Variants in ZNF638 observed in about 807,000 individuals in gnomAD.
ZNF638 encodes zinc finger protein 638.
ZNF638 carries 46 observed loss-of-function variants against 195.6 expected under a neutral mutation model. The observed-to-expected ratio is 0.24, with a 90% confidence interval of 0.19 to 0.30. The LOEUF (loss-of-function observed/expected upper bound fraction) is 0.30. ZNF638 is among the 10% of genes least tolerant of loss of function. The pLI, the probability that ZNF638 is intolerant of heterozygous loss-of-function variation, is 1.00. For synonymous variants in ZNF638, 845 were observed against 772.0 expected (o/e 1.09, Z -1.57); for missense variants, 2,440 against 2,325.3 (o/e 1.05, Z -1.01).
intron 10 of ZNF638, among the ~76,000 whole-genome samples, chr2:71,386,936 C>T (rs533351354): frequency 1.3e-5 from 2 of 152,036 alleles, no homozygotes; most frequent in Admixed American, 6.5e-5. Flanking sequence ...CAGTCTCCAC[C>T]TCCCAGGTTC....
At position 71,364,071 on chromosome 2, in the gene ZNF638, G is replaced by A. The variant is rs761569473; in HGVS notation, c.1536G>A (p.Met512Ile). Residue 512 changes from methionine (M) to isoleucine (I), a missense_variant, in exon 5 of 28, where the codon ATG becomes ATA. Coordinates refer to ENST00000264447, the MANE Select transcript of ZNF638 (RefSeq NM_014497.5). ...SHRFRRSRSPMHYMYRPRSRS... is the reference protein window; with the variant it reads ...SHRFRRSRSPIHYMYRPRSRS... ...GATTCCGTCGGTCTCGAAGCCCAAT[G>A]CATTACATGTATAGGCCGAGAAGTC... 2.5e-6 allele frequency: 4 copies of A among 1,614,052 alleles called. No individual in the cohort carries two copies. The South Asian group carries it at 3.3e-5, about 13-fold the overall frequency.
chr2:71,395,578 C>T lies in ZNF638; in HGVS notation c.2378-563C>T, dbSNP rs569500573. ...TTGCAGACCTTTGATCATCCTATTG[C>T]GCGCAGGACTGCTCCCAAGGCGGTG... On this transcript the variant is annotated intron_variant, in intron 10 of 27. Transcript: ENST00000264447. 9.1e-4 allele frequency: 532 copies of T among 584,634 alleles called. 5 individuals carry two copies. The highest frequency in any genetic ancestry group is 8.6e-3 in the African/African-American group (458 of 53,452). 36.2% of individuals were successfully genotyped at this position (584,634 alleles called of 1,614,324 possible).
At chr2:71,360,487 C>G (rs1489565021) in intron 3 of ZNF638, among the ~76,000 whole-genome samples, 2 of 152,136 alleles carry the variant, frequency 1.3e-5, no homozygotes. Flanking sequence ...CCCATCCATA[C>G]CCTCAATCCA....
chr2:71,350,249 A>T lies in ZNF638; in HGVS notation c.1295A>T (p.Asn432Ile). ...TTTCCACATTTGTGTTCTCTGTGTAACGTAGAATGTAGTCATTTGAAGGTG... is the reference window on the plus strand; with the variant it reads ...TTTCCACATTTGTGTTCTCTGTGTATCGTAGAATGTAGTCATTTGAAGGTG... ...RIFPHLCSLC[N>I]VECSHLKDWI... Residue 432 changes from asparagine to isoleucine, a missense_variant, in exon 2 of 28, where the codon AAC becomes ATC. By Grantham distance (149) the Asn-to-Ile change is moderately radical. Around this residue, in one of 5 missense-constraint regions of ZNF638, gnomAD observed 37 missense variants for 75.7 expected, o/e 0.49. Transcript: ENST00000264447. 1 of 1,601,632 alleles carries T rather than the reference A, an allele frequency of 6.2e-7. No individual in the cohort carries two copies. Among genetic ancestry groups the T allele is most frequent in the Non-Finnish European group, 8.5e-7 (1 of 1,179,740 alleles).
chr2:71,383,291 G>T (rs1478068231), intron 10 of ZNF638, among the ~76,000 whole-genome samples: 2 of 152,084 alleles, frequency 1.3e-5, no homozygotes, highest in Non-Finnish European at 2.9e-5. Flanking sequence ...CTCCAGCCTG[G>T]GTGACAAGAG....
chr2:71,405,658 A>C lies in ZNF638; in HGVS notation c.3000+16A>C. 1 of 1,532,046 alleles carries C rather than the reference A, an allele frequency of 6.5e-7. No individual in the cohort carries two copies. The highest frequency in any genetic ancestry group is 8.9e-7 in the Non-Finnish European group (1 of 1,125,406). The allele number at this position is 1,532,046 out of a possible 1,614,324, so 94.9% of individuals were successfully genotyped here. A position where few individuals can be genotyped will look rare whatever the true frequency, so the allele number is the denominator to read the frequency against. On this transcript the variant is annotated intron_variant, in intron 18 of 27. Coordinates refer to ENST00000264447, the MANE Select transcript of ZNF638 (RefSeq NM_014497.5). ...TGACCCAGAGGTAAGTTTTGCATTT[A>C]AATGCTTTTGTATACTTATTTAATT...
At chr2:71,418,741 T>C (rs1447444995) in intron 21 of ZNF638, 102 bp downstream of exon 21, 13 of 802,626 alleles carry the variant, frequency 1.6e-5, no homozygotes, top group Admixed American at 1.2e-4. Flanking sequence ...AAAAGTTCTT[T>C]TCTGCATATT....
At position 71,400,131 on chromosome 2, in the gene ZNF638, C is replaced by G; in HGVS notation, c.2607C>G (p.Thr869=). The part of the protein sequence containing the change: ...VTIPENSEIK[T]SIEVKATENC... Reference sequence around the variant, plus strand: ...ATGCAGAAAACTCTGAAATAAAGACCAGTATTGAAGTCAAAGCCACTGAAA... The same window carrying G: ...ATGCAGAAAACTCTGAAATAAAGACGAGTATTGAAGTCAAAGCCACTGAAA... The change falls in exon 14 of 28, where the codon ACC becomes ACG. Residue 869 remains threonine (T), a synonymous_variant. Transcript: ENST00000264447. 1 of 1,606,390 alleles carries G rather than the reference C, an allele frequency of 6.2e-7. No homozygotes were observed. Among genetic ancestry groups the G allele is most frequent in the Non-Finnish European group, 8.5e-7 (1 of 1,176,958 alleles).
intron 1 of ZNF638, among the ~76,000 whole-genome samples, chr2:71,337,137 GTTT>G (rs34895501): frequency 7.2e-6 from 1 of 138,174 alleles, no homozygotes; most frequent in Non-Finnish European, 1.6e-5. Flanking sequence ...ATTGCCTATA[GTTT>G]TTTTTTTTTT....
In ZNF638 at chr2:71,411,449, A is replaced by AT. The variant is rs1295691181; in HGVS notation, c.3261+3205dup. Among the ~76,000 whole-genome samples the AT allele has an allele frequency of 3.1e-4, 30 of 96,958 alleles. 1 individual carries two copies. In the South Asian group the frequency reaches 5.4e-3, roughly 18 times the overall value. 63.6% of individuals were successfully genotyped at this position (96,958 alleles called of 152,430 possible). ...TTCTTTTGAGTTTTTTATTTTTTTT[A>AT]TTTATTTTTTATTTTTTATTTTTAA... On this transcript the variant is annotated intron_variant, in intron 20 of 27. Transcript: ENST00000264447.
chr2:71,404,982 C>A (rs566570925), intron 17 of ZNF638, among the ~76,000 whole-genome samples: 1 of 152,066 alleles, frequency 6.6e-6, no homozygotes, highest in Non-Finnish European at 1.5e-5. Context: ...TGTAAAAATA[C>A]CTTTCATTAA....
At chr2:71,334,964 T>G (rs373503446) in intron 1 of ZNF638, among the ~76,000 whole-genome samples, 4 of 151,248 alleles carry the variant, frequency 2.6e-5, no homozygotes, top group African/African-American at 9.7e-5. Flanking sequence ...TTAAGAATAA[T>G]AAGGGTTTTG....
intron 25 of ZNF638, among the ~76,000 whole-genome samples, chr2:71,430,164 A>C (rs1484057147): frequency 6.6e-6 from 1 of 152,048 alleles, no homozygotes; most frequent in African/African-American, 2.4e-5. Flanking sequence ...TTTTCCACAC[A>C]ATTGTAAACT....
At chr2:71,354,343 CT>C (rs11372261) in intron 2 of ZNF638, among the ~76,000 whole-genome samples, 73 of 143,610 alleles carry the variant, frequency 5.1e-4, no homozygotes, top group South Asian at 1.1e-3. Flanking sequence ...ACTGTATTGG[CT>C]TTTTTTTTTT....
At position 71,423,614 on chromosome 2, in the gene ZNF638, T is replaced by G; in HGVS notation, c.4100T>G (p.Val1367Gly). The change falls in exon 22 of 28, where the codon GTG becomes GGG. Residue 1367 changes from valine to glycine, a missense_variant. Val to Gly is a moderately radical substitution (Grantham distance 109). Transcript: ENST00000264447. The stretch of plus-strand genomic sequence containing the variant: ...TTCAAGGCATACCCAAATAAAGGAG[T>G]GGGTCAGGCTAATAAGCCTGATGAA... ...TLFKAYPNKG[V>G]GQANKPDETS... 6.2e-7 allele frequency: 1 copy of G among 1,613,636 alleles called. No individual in the cohort carries two copies. Among genetic ancestry groups the G allele is most frequent in the Non-Finnish European group, 8.5e-7 (1 of 1,179,912 alleles).
At chr2:71,365,804 CGA>C in intron 6 of ZNF638, 98 bp downstream of exon 6, 2 of 1,181,068 alleles carry the variant, frequency 1.7e-6, no homozygotes, top group Non-Finnish European at 2.3e-6. Flanking sequence ...ACTGCAGCCT[CGA>C]TCTCCTGGGC....
chr2:71,333,893 A>G (rs1264342287), intron 1 of ZNF638, among the ~76,000 whole-genome samples: 1 of 152,224 alleles, frequency 6.6e-6, no homozygotes, highest in Non-Finnish European at 1.5e-5. Flanking sequence ...TGTTACTTGT[A>G]TTTCAAAATT....
At chr2:71,390,707 A>G (rs1354884415) in intron 10 of ZNF638, among the ~76,000 whole-genome samples, 2 of 152,192 alleles carry the variant, frequency 1.3e-5, no homozygotes, top group Non-Finnish European at 2.9e-5. Flanking sequence ...TAAGAATTTT[A>G]CTGGCTTATA....
At chr2:71,403,842 C>T in intron 16 of ZNF638, 28 bp from the exon 17 acceptor site, 2 of 1,464,676 alleles carry the variant, frequency 1.4e-6, no homozygotes, top group Non-Finnish European at 1.8e-6. Context: ...TAAGATTTTT[C>T]TTGTTACCTT....
Sources: gnomAD v4.1 joint callset for allele counts (sites outside exome capture counted in the v4.1 genomes callset) on GRCh38, gnomAD v4.1.1 for gene constraint, gnomAD v4.1.1 regional missense constraint, MANE v1.5 for transcripts, NCBI Gene and HGNC (gene_info 2026-07-23, HGNC 2026-07-21) for gene names.